EXOC4: variants seen among roughly 807,000 people sequenced by gnomAD.
The protein encoded by EXOC4 is exocyst complex component 4.
In EXOC4, 71 loss-of-function variants were observed where a neutral mutation model predicts 107.2. The observed-to-expected ratio is 0.66, with a 90% CI of 0.55 to 0.81. The LOEUF (loss-of-function observed/expected upper bound fraction) is 0.81. Among genes scored for constraint, EXOC4 ranks in the 30% least tolerant of loss-of-function variants. The pLI, the probability that EXOC4 is intolerant of heterozygous loss-of-function variation, is 0.00. For missense variants in EXOC4, 1,108 were observed against 1,189.6 expected, an observed-to-expected ratio of 0.93 and a Z score of 1.01; for synonymous variants, 456 against 441.2, an observed-to-expected ratio of 1.03 and a Z score of -0.42.
At chr7:134,098,063 C>G in the EXOC4 span, among the ~76,000 whole-genome samples, 2 of 152,218 alleles carry the variant, frequency 1.3e-5, no homozygotes, top group African/African-American at 4.8e-5. Flanking sequence ...TCACACATAT[C>G]AACATAAAGT....
intron 10 of EXOC4, among the ~76,000 whole-genome samples, chr7:133,712,473 A>T (rs1024403985): frequency 3.8e-4 from 38 of 99,948 alleles, no homozygotes; most frequent in African/African-American, 1.3e-3. Context: ...AAAAAAAAAA[A>T]TGGAGCGCTC....
intron 10 of EXOC4, among the ~76,000 whole-genome samples, chr7:133,698,050 T>C (rs1794574384): frequency 6.6e-6 from 1 of 152,110 alleles, no homozygotes; most frequent in Non-Finnish European, 1.5e-5. Flanking sequence ...ACTGACTGCA[T>C]ATGTGTTCTG....
chr7:133,315,008 T>G (rs1477574063), intron 4 of EXOC4: 1 of 152,696 alleles, frequency 6.5e-6, no homozygotes. Context: ...CATCCATAGA[T>G]GAAGAACCCC....
chr7:134,037,188 C>T (rs779599732), intron 17 of EXOC4, among the ~76,000 whole-genome samples: 1 of 151,940 alleles, frequency 6.6e-6, no homozygotes, highest in Non-Finnish European at 1.5e-5. Context: ...GGATAAAGAC[C>T]GAAGGTACAA....
At chr7:133,743,873 TTAGTA>T (rs1795620551) in intron 10 of EXOC4, among the ~76,000 whole-genome samples, 1 of 152,154 alleles carries the variant, frequency 6.6e-6, no homozygotes, top group African/African-American at 2.4e-5. Flanking sequence ...TCACTGCTGC[TTAGTA>T]GGTTGGTGTG....
intron 10 of EXOC4, among the ~76,000 whole-genome samples, chr7:133,796,105 A>G (rs775430102): frequency 1.3e-5 from 2 of 152,196 alleles, no homozygotes; most frequent in Non-Finnish European, 2.9e-5. Flanking sequence ...TTGGGTCTTA[A>G]TTTCCTATAG....
At chr7:134,096,586 G>A in the EXOC4 span, among the ~76,000 whole-genome samples, 1 of 152,210 alleles carries the variant, frequency 6.6e-6, no homozygotes, top group Non-Finnish European at 1.5e-5. Context: ...AAGTCAGGAA[G>A]CTGACAGTGC....
At chr7:133,296,784 G>A (rs1794528915) in intron 3 of EXOC4, among the ~76,000 whole-genome samples, 1 of 152,002 alleles carries the variant, frequency 6.6e-6, no homozygotes, top group Admixed American at 6.6e-5. Flanking sequence ...AAGCCTACGA[G>A]GTTCAGCAAT....
At chr7:133,492,003 C>T (rs1799380880) in intron 9 of EXOC4, among the ~76,000 whole-genome samples, 2 of 152,172 alleles carry the variant, frequency 1.3e-5, no homozygotes, top group Admixed American at 1.3e-4. Flanking sequence ...AGGCAGATCT[C>T]AAAAGACCTG....
chr7:133,681,639 C>T (rs1246588894), intron 10 of EXOC4, among the ~76,000 whole-genome samples: 1 of 152,068 alleles, frequency 6.6e-6, no homozygotes, highest in Non-Finnish European at 1.5e-5. Context: ...TGGGTCCCCC[C>T]TACAACATGT....
chr7:133,654,020 A>T (rs1803227005), intron 10 of EXOC4, among the ~76,000 whole-genome samples: 1 of 152,186 alleles, frequency 6.6e-6, no homozygotes, highest in Admixed American at 6.5e-5. Flanking sequence ...TCCTCTAGAA[A>T]TTTTTCCCCC....
At chr7:133,857,096 TTATATATATATATA>T (rs1304780056) in intron 11 of EXOC4, among the ~76,000 whole-genome samples, 1 of 110,028 alleles carries the variant, frequency 9.1e-6, no homozygotes, top group African/African-American at 3.8e-5. Context: ...GACTCCGTCT[TTATATATATATATA>T]TGTGTATATA....
rs541898702 is a variant in EXOC4, at chr7:133,852,057, A to T, written c.1734+34513A>T. Among the ~76,000 whole-genome samples the T allele has an allele frequency of 2.6e-5, 4 of 152,282 alleles. No individual in the cohort carries two copies. The South Asian group carries it at 8.3e-4, about 32-fold the overall frequency. On this transcript the variant is annotated intron_variant, in intron 11 of 17. Coordinates refer to ENST00000253861, the MANE Select transcript of EXOC4 (RefSeq NM_021807.4). The stretch of plus-strand genomic sequence containing the variant: ...ACCAGTAATTTGGAATCTCAGTGAA[A>T]AACATTTGTTGCTCTTAAATTTTAT...
At chr7:133,279,898 G>A (rs562017040) in intron 2 of EXOC4, among the ~76,000 whole-genome samples, 2 of 152,308 alleles carry the variant, frequency 1.3e-5, no homozygotes, top group South Asian at 2.1e-4. Context: ...GAGGATAAAA[G>A]TGAGCTGACA....
intron 14 of EXOC4, among the ~76,000 whole-genome samples, chr7:133,994,534 A>G (rs1794338146): frequency 6.6e-6 from 1 of 152,136 alleles, no homozygotes; most frequent in Admixed American, 6.6e-5. Context: ...AAAATAAAAG[A>G]TGGCATGCTT....
At chr7:133,376,575 G>A (rs572803168) in intron 7 of EXOC4, among the ~76,000 whole-genome samples, 1 of 152,132 alleles carries the variant, frequency 6.6e-6, no homozygotes, top group Non-Finnish European at 1.5e-5. Flanking sequence ...CATCTTCCTC[G>A]TGAATACTTT....
At chr7:133,306,221 T>C (rs1794751309) in intron 4 of EXOC4, among the ~76,000 whole-genome samples, 160 bp downstream of exon 4, 1 of 152,230 alleles carries the variant, frequency 6.6e-6, no homozygotes, top group African/African-American at 2.4e-5. Context: ...CTCCATGTTC[T>C]GAGAGGCTGA....
chr7:133,862,981 A>T (rs1260696191), intron 11 of EXOC4, among the ~76,000 whole-genome samples: 1 of 152,178 alleles, frequency 6.6e-6, no homozygotes, highest in Non-Finnish European at 1.5e-5. Flanking sequence ...TTCATATGTA[A>T]GTGTACTATT....
At position 133,947,416 on chromosome 7, in the gene EXOC4, G is replaced by A. The variant is rs543843819; in HGVS notation, c.2206+9347G>A. On this transcript the variant is annotated intron_variant, in intron 14 of 17. Transcript: ENST00000253861. ...TCTCACTCACCAGAGCTCCCAAAAT[G>A]TTTCTGAGGTCATGGAAGTGTGTCT... 3.9e-5 allele frequency among the ~76,000 whole-genome samples: 6 copies of A among 152,264 alleles called. 1 individual carries two copies. Among genetic ancestry groups the A allele is most frequent in the African/African-American group, 1.4e-4 (6 of 41,554 alleles).
Sources: allele counts gnomAD v4.1 joint callset (sites outside exome capture counted in the v4.1 genomes callset), GRCh38; gene constraint gnomAD v4.1.1; transcripts MANE v1.5; gene names NCBI Gene and HGNC (gene_info 2026-07-23, HGNC 2026-07-21).